Variants in C16orf96 observed in about 807,000 individuals in gnomAD.
C16orf96 encodes the protein uncharacterized protein C16orf96.
In C16orf96, 108 loss-of-function variants were observed where a neutral mutation model predicts 103.6. The ratio of observed to expected loss-of-function variants is 1.04; its 90% CI spans 0.89 to 1.22. C16orf96 has a LOEUF of 1.22. C16orf96 is among the 50% of genes most tolerant of loss of function. The pLI, the probability that C16orf96 is intolerant of heterozygous loss-of-function variation, is 0.00. For missense variants in C16orf96, 1,586 were observed against 1,464.2 expected (o/e 1.08, Z -1.36); for synonymous variants, 566 against 593.5 (o/e 0.95, Z 0.67).
Position 4,593,165 on chromosome 16 carries a change from G to A in C16orf96, c.2775-59G>A, listed in dbSNP as rs1897097295. ...GGCTTCCTGGAGGGGTGGGAGACGAGCCCTCTGCTGGCCTAGCACGCCTCC... is the reference window on the plus strand; with the variant it reads ...GGCTTCCTGGAGGGGTGGGAGACGAACCCTCTGCTGGCCTAGCACGCCTCC... On this transcript the variant is annotated intron_variant, in intron 11 of 15. Transcript: ENST00000444310. This position sits in a 1 kb window ranked among gnomAD's most constrained non-coding sequence, Gnocchi z 4.2. The A allele has an allele frequency of 5.4e-6, 8 of 1,483,690 alleles. No homozygotes were observed. The East Asian group carries it at 2.0e-4, about 37-fold the overall frequency. The allele number at this position is 1,483,690 out of a possible 1,614,324, so 91.9% of individuals were successfully genotyped here.
At chr16:4,573,712 A>G (rs1400533724) in intron 2 of C16orf96, among the ~76,000 whole-genome samples, 2 of 147,604 alleles carry the variant, frequency 1.4e-5, no homozygotes, top group East Asian at 4.1e-4. Context: ...AGATCACACC[A>G]CTGCACTCCA....
At chr16:4,580,756 G>T (rs1390212580) in intron 7 of C16orf96, among the ~76,000 whole-genome samples, 1 of 152,090 alleles carries the variant, frequency 6.6e-6, no homozygotes, top group Non-Finnish European at 1.5e-5. Context: ...GGAGGCCGAG[G>T]TGTGGTGGAT....
chr16:4,561,202 G>A (rs1215149534), intron 1 of C16orf96: 1 of 152,078 alleles, frequency 6.6e-6, no homozygotes, highest in Non-Finnish European at 1.5e-5. Flanking sequence ...AGCTACTGGG[G>A]AGGCTGAGGC....
At chr16:4,576,691 C>A (rs2141723366) in intron 5 of C16orf96, 56 bp downstream of exon 5, 1 of 1,463,590 alleles carries the variant, frequency 6.8e-7, no homozygotes. Context: ...TCCCTGCAGC[C>A]TTTGAGAAGT....
At chr16:4,552,698 G>A (rs568941924), upstream of C16orf96, among the ~76,000 whole-genome samples, 3 of 152,188 alleles carry the variant, frequency 2.0e-5, no homozygotes, top group South Asian at 6.2e-4. Flanking sequence ...GGGCTGGACT[G>A]GCTGGGTCAC....
chr16:4,589,949 C>G (rs905387052), intron 9 of C16orf96, among the ~76,000 whole-genome samples: 1 of 151,736 alleles, frequency 6.6e-6, no homozygotes, highest in Non-Finnish European at 1.5e-5. Flanking sequence ...CGGTGAAACC[C>G]CATCTCTACT....
intron 1 of C16orf96, among the ~76,000 whole-genome samples, chr16:4,557,665 G>A (rs183630514): frequency 6.6e-6 from 1 of 152,140 alleles, no homozygotes; most frequent in Admixed American, 6.6e-5. Context: ...TACATTATGT[G>A]AATTTCACCC....
intron 1 of C16orf96, among the ~76,000 whole-genome samples, chr16:4,563,816 G>A (rs1567439574): frequency 6.9e-6 from 1 of 144,990 alleles, no homozygotes; most frequent in African/African-American, 2.6e-5. Flanking sequence ...TGATCCACCC[G>A]CCTGGGCCTC....
chr16:4,580,317 C>CT (rs543664473), intron 7 of C16orf96, among the ~76,000 whole-genome samples, 192 bp downstream of exon 7: 2 of 130,884 alleles, frequency 1.5e-5, no homozygotes, highest in South Asian at 6.2e-4. Context: ...ACCACCCCCC[C>CT]CCACCCATAT....
upstream of C16orf96, among the ~76,000 whole-genome samples, chr16:4,555,936 C>A (rs539176973): frequency 3.3e-5 from 5 of 151,622 alleles, no homozygotes; most frequent in East Asian, 9.8e-4. Context: ...TGGCTTCAAG[C>A]AGTCCTCCCG....
At chr16:4,597,056 A>G (rs990679905) in intron 14 of C16orf96, among the ~76,000 whole-genome samples, 3 of 150,660 alleles carry the variant, frequency 2.0e-5, no homozygotes, top group Non-Finnish European at 2.9e-5. Context: ...ATAAGGTCAC[A>G]TTCACAGCTT....
At chr16:4,573,038 G>T (rs1033668677) in intron 2 of C16orf96, among the ~76,000 whole-genome samples, 1 of 152,156 alleles carries the variant, frequency 6.6e-6, no homozygotes. Context: ...AACTGTGGGA[G>T]CTTTAGGCAT....
rs186505770 is a variant in C16orf96, at chr16:4,573,560, C to T, written c.526-1149C>T. ...AAGGTCAGGAGATCGAGACCATCCT[C>T]GCTAACACGGTGAAACCCCATCTCT... On this transcript the variant is annotated intron_variant, in intron 2 of 15. Coordinates refer to ENST00000444310, the MANE Select transcript of C16orf96 (RefSeq NM_001145011.2). Among the ~76,000 whole-genome samples the T allele has an allele frequency of 2.6e-4, 39 of 151,018 alleles. No homozygotes were observed. In the East Asian group the frequency reaches 7.3e-3, roughly 28 times the overall value.
intron 9 of C16orf96, among the ~76,000 whole-genome samples, 152 bp from the exon 10 acceptor site, chr16:4,591,512 CTG>C (rs1257236626): frequency 1.3e-5 from 2 of 152,118 alleles, no homozygotes; most frequent in Non-Finnish European, 2.9e-5. Flanking sequence ...CTCATCGAAG[CTG>C]TGTCATTTTC....
chr16:4,590,423 T>C (rs1897029480), intron 9 of C16orf96, among the ~76,000 whole-genome samples: 1 of 150,756 alleles, frequency 6.6e-6, no homozygotes, highest in East Asian at 2.0e-4. Context: ...CCGGATGTGG[T>C]AGTGGGGGCC....
intron 10 of C16orf96, 133 bp from the exon 11 acceptor site, chr16:4,592,172 G>A (rs1183796649): frequency 3.8e-6 from 4 of 1,059,090 alleles, no homozygotes; most frequent in Non-Finnish European, 5.6e-6. Flanking sequence ...GTTGGAGACT[G>A]CAGGGCCTGT....
chr16:4,575,562 G>A lies in C16orf96; in HGVS notation c.1082G>A (p.Gly361Glu). 1 of 1,532,202 alleles carries A rather than the reference G, an allele frequency of 6.5e-7. No individual in the cohort carries two copies. Among genetic ancestry groups the A allele is most frequent in the Non-Finnish European group, 8.8e-7 (1 of 1,140,744 alleles). 94.9% of individuals were successfully genotyped at this position (1,532,202 alleles called of 1,614,324 possible). ...GPVPGPSVTP[G>E]SLPAPWPVLG... ...GTCCCAGGGCCCAGTGTGACACCTG[G>A]GTCCTTGCCAGCACCTTGGCCTGTG... The change falls in exon 5 of 16, where the codon GGG becomes GAG. Residue 361 changes from glycine (G) to glutamate (E), a missense_variant. Gly to Glu is a moderately conservative substitution (Grantham distance 98). Transcript: ENST00000444310.
chr16:4,577,859 G>T (rs573299264), intron 5 of C16orf96, among the ~76,000 whole-genome samples: 1 of 152,316 alleles, frequency 6.6e-6, no homozygotes, highest in South Asian at 2.1e-4. Flanking sequence ...CGGAGGCTGA[G>T]ACAGGAGAAA....
At chr16:4,551,254 T>C in the C16orf96 span, among the ~76,000 whole-genome samples, 1 of 152,060 alleles carries the variant, frequency 6.6e-6, no homozygotes, top group Admixed American at 6.6e-5. Context: ...TGGGTGACAG[T>C]GAGACCCTAT....
Sources: gnomAD v4.1 joint callset for allele counts (sites outside exome capture counted in the v4.1 genomes callset) on GRCh38, gnomAD v4.1.1 for gene constraint, Gnocchi (gnomAD v3.1) non-coding constraint, MANE v1.5 for transcripts, NCBI Gene and HGNC (gene_info 2026-07-23, HGNC 2026-07-21) for gene names.